Variants in RGS6 observed in about 807,000 individuals in gnomAD.
The protein encoded by RGS6 is regulator of G-protein signaling 6.
Under a neutral mutation model 78.5 loss-of-function variants are expected in RGS6, and 30 were observed. The observed-to-expected ratio is 0.38, with a 90% confidence interval of 0.29 to 0.52. The LOEUF (loss-of-function observed/expected upper bound fraction) is 0.52, where lower values mean the gene tolerates loss of function less well. Among genes scored for constraint, RGS6 ranks in the 20% least tolerant of loss-of-function variants. The pLI is 0.85. For missense variants in RGS6, 495 were observed against 609.7 expected (o/e 0.81, Z 1.98); for synonymous variants, 206 against 206.0 (o/e 1.00, Z 0.00).
rs528933367 is a variant in RGS6, at chr14:72,207,258, A to G, written c.85-144837A>G. Among the ~76,000 whole-genome samples, 15 of 152,334 alleles carry G rather than the reference A, an allele frequency of 9.8e-5. No individual in the cohort carries two copies. In the South Asian group the frequency reaches 1.4e-3, roughly 15 times the overall value. ...TAATCTGCTGCTTTTATTTCACAATATGGGATAAATGTGATTATTCCCTGC... is the reference window on the plus strand; with the variant it reads ...TAATCTGCTGCTTTTATTTCACAATGTGGGATAAATGTGATTATTCCCTGC... On this transcript the variant is annotated intron_variant, in intron 2 of 17. Transcript: ENST00000553525.
chr14:72,124,733 T>G (rs1436831166), intron 2 of RGS6, among the ~76,000 whole-genome samples: 3 of 152,204 alleles, frequency 2.0e-5, no homozygotes, highest in Admixed American at 1.3e-4. Flanking sequence ...TATCTCTCCT[T>G]AATAACTTTC....
chr14:72,155,995 A>T (rs951629577), intron 2 of RGS6, among the ~76,000 whole-genome samples: 1 of 152,232 alleles, frequency 6.6e-6, no homozygotes, highest in African/African-American at 2.4e-5. Flanking sequence ...CTTTTAAAAA[A>T]TACTGACACT....
At chr14:72,558,561 G>A (rs1286428100) in intron 17 of RGS6, among the ~76,000 whole-genome samples, 1 of 152,206 alleles carries the variant, frequency 6.6e-6, no homozygotes, top group African/African-American at 2.4e-5. Context: ...CTGCACAAAA[G>A]GGGGCTATTC....
chr14:71,876,562 T>C, the RGS6 span, among the ~76,000 whole-genome samples: 3 of 149,324 alleles, frequency 2.0e-5, no homozygotes, highest in African/African-American at 4.9e-5. Context: ...TTTGAGCCTA[T>C]GTATGTCTCT....
At chr14:72,229,167 C>A (rs753371206) in intron 2 of RGS6, among the ~76,000 whole-genome samples, 34 of 152,170 alleles carry the variant, frequency 2.2e-4, no homozygotes, top group Admixed American at 5.2e-4. Flanking sequence ...AAAATAAACC[C>A]TTCTAAAAAT....
intron 1 of RGS6, among the ~76,000 whole-genome samples, chr14:71,937,657 G>A (rs1034013222): frequency 1.3e-5 from 2 of 152,222 alleles, no homozygotes; most frequent in Non-Finnish European, 2.9e-5. Context: ...TGGCCATAAA[G>A]TGAGTGCCTT....
intron 3 of RGS6, among the ~76,000 whole-genome samples, chr14:72,397,674 T>G (rs201265341): frequency 3.3e-5 from 5 of 151,802 alleles, no homozygotes; most frequent in South Asian, 2.1e-4. Flanking sequence ...CAGTATGATA[T>G]TGGCTGTGGG....
chr14:72,401,174 A>G (rs928142463), intron 3 of RGS6, among the ~76,000 whole-genome samples: 7 of 152,114 alleles, frequency 4.6e-5, no homozygotes, highest in Non-Finnish European at 2.9e-5. Context: ...AAATACTTTT[A>G]TGAGCACAAA....
chr14:72,500,318 G>A (rs1431982868), intron 13 of RGS6, among the ~76,000 whole-genome samples: 1 of 152,178 alleles, frequency 6.6e-6, no homozygotes, highest in Non-Finnish European at 1.5e-5. Context: ...TGAAAACGAA[G>A]CCCTGTTTCT....
At chr14:71,889,319 G>T in the RGS6 span, among the ~76,000 whole-genome samples, 1 of 152,188 alleles carries the variant, frequency 6.6e-6, no homozygotes, top group African/African-American at 2.4e-5. Flanking sequence ...AACCGAGGAA[G>T]AAGCAGTGAA....
chr14:72,473,310 G>A (rs1399074498), intron 9 of RGS6, among the ~76,000 whole-genome samples: 1 of 152,184 alleles, frequency 6.6e-6, no homozygotes, highest in Non-Finnish European at 1.5e-5. Flanking sequence ...CGGGCGTGGT[G>A]GCAGGCACCT....
At chr14:72,341,069 A>C (rs1683481479) in intron 2 of RGS6, among the ~76,000 whole-genome samples, 1 of 152,218 alleles carries the variant, frequency 6.6e-6, no homozygotes, top group African/African-American at 2.4e-5. Flanking sequence ...GTATTAGTTC[A>C]TTCTCACACT....
At chr14:72,222,229 T>C (rs2047044820) in intron 2 of RGS6, among the ~76,000 whole-genome samples, 4 of 152,236 alleles carry the variant, frequency 2.6e-5, no homozygotes, top group Non-Finnish European at 5.9e-5. Context: ...CTGCCTGTGA[T>C]GACAAGCCAG....
intron 8 of RGS6, among the ~76,000 whole-genome samples, chr14:72,472,179 A>AG (rs1366599978): frequency 6.7e-6 from 1 of 149,420 alleles, no homozygotes; most frequent in East Asian, 1.9e-4. Context: ...TAAGAAAAAA[A>AG]AAAAAAGAAA....
intron 2 of RGS6, among the ~76,000 whole-genome samples, chr14:72,244,350 G>T (rs543708851): frequency 6.6e-6 from 1 of 150,414 alleles, no homozygotes; most frequent in Non-Finnish European, 1.5e-5. Flanking sequence ...TGAACGAACA[G>T]CCCACACTTT....
At chr14:72,244,072 C>T (rs1261282102) in intron 2 of RGS6, among the ~76,000 whole-genome samples, 1 of 152,128 alleles carries the variant, frequency 6.6e-6, no homozygotes, top group Non-Finnish European at 1.5e-5. Flanking sequence ...ACCCTCAGAA[C>T]AGCTAAACAT....
the RGS6 span, among the ~76,000 whole-genome samples, chr14:71,868,520 T>G: frequency 6.6e-6 from 1 of 152,236 alleles, no homozygotes; most frequent in African/African-American, 2.4e-5. Flanking sequence ...TTGACCATAC[T>G]GTTTTACATC....
chr14:72,329,196 G>T (rs2152562182), intron 2 of RGS6, among the ~76,000 whole-genome samples: 1 of 152,382 alleles, frequency 6.6e-6, no homozygotes, highest in Middle Eastern at 3.4e-3. Flanking sequence ...TATTTTAGAT[G>T]TTGGGAAGTT....
the RGS6 span, among the ~76,000 whole-genome samples, chr14:72,589,838 G>T: frequency 1.3e-5 from 2 of 152,158 alleles, no homozygotes; most frequent in Admixed American, 1.3e-4. Context: ...ACTACACAGA[G>T]AATTGCTTAC....
Sources: gnomAD v4.1 joint callset for allele counts (sites outside exome capture counted in the v4.1 genomes callset) on GRCh38, gnomAD v4.1.1 for gene constraint, MANE v1.5 for transcripts, NCBI Gene and HGNC (gene_info 2026-07-23, HGNC 2026-07-21) for gene names.